NEMP2: variants seen among roughly 807,000 people sequenced by gnomAD.
NEMP2 encodes nuclear envelope integral membrane protein 2.
In NEMP2, 53 loss-of-function variants were observed where a neutral mutation model predicts 54.2. That is an observed-to-expected ratio of 0.98 (90% CI 0.78 to 1.23). The LOEUF (loss-of-function observed/expected upper bound fraction) is 1.23, where lower values mean the gene tolerates loss of function less well. NEMP2 is among the 50% of genes most tolerant of loss of function. The pLI is 0.00. For missense variants in NEMP2, 455 were observed against 511.3 expected (o/e 0.89, Z 1.06); for synonymous variants, 197 against 190.3 (o/e 1.04, Z -0.29).
chr2:190,518,880 A>C (rs1400215402), intron 3 of NEMP2, 72 bp from the exon 4 acceptor site: 8 of 1,516,180 alleles, frequency 5.3e-6, no homozygotes, highest in Non-Finnish European at 7.1e-6. Context: ...AAGAAGAAAA[A>C]AGTCAATTTA....
chr2:190,490,691 A>G, the NEMP2 span, among the ~76,000 whole-genome samples: 6 of 152,358 alleles, frequency 3.9e-5, no homozygotes, highest in African/African-American at 1.4e-4. This position sits in a 1 kb window ranked among gnomAD's most constrained non-coding sequence, Gnocchi z 4.5. Context: ...TATGTAGATG[A>G]GAATGAGCTG....
chr2:190,444,890 G>C, the NEMP2 span: 2 of 831,470 alleles, frequency 2.4e-6, no homozygotes, highest in East Asian at 2.5e-4. Flanking sequence ...ATAGTAAAAA[G>C]TGACGTTAAT....
upstream of NEMP2, chr2:190,534,779 G>A: frequency 1.5e-6 from 1 of 680,056 alleles, no homozygotes; most frequent in Non-Finnish European, 2.1e-6. Context: ...CGGGAAAGGC[G>A]GAGACCCCGC....
chr2:190,507,971 C>T lies in NEMP2; in HGVS notation c.*1218G>A, dbSNP rs1690234384. 6.6e-6 allele frequency: 1 copy of T among 152,156 alleles called. No homozygotes were observed. The highest frequency in any genetic ancestry group is 1.5e-5 in the Non-Finnish European group (1 of 68,038). 9.4% of individuals were successfully genotyped at this position (152,156 alleles called of 1,614,324 possible). ...AACCCTGAGATTGTCTTGCCATGTT[C>T]AAATCTTTCCTCAGATCTATGTTTT... On this transcript the variant is annotated 3_prime_UTR_variant, in exon 9 of 9. Transcript: ENST00000409150. The surrounding 1 kb of genome is among the most constrained non-coding windows in gnomAD (Gnocchi z 4.4).
Position 190,510,513 on chromosome 2 carries a change from T to C in NEMP2, c.978A>G (p.Ser326=). The C allele has an allele frequency of 1.0e-5, 16 of 1,551,982 alleles. No individual in the cohort carries two copies. Among genetic ancestry groups the C allele is most frequent in the Non-Finnish European group, 1.4e-5 (16 of 1,147,052 alleles). Residue 326 remains serine, a synonymous_variant, in exon 8 of 9, where the codon TCA becomes TCG. Transcript: ENST00000409150. The surrounding 1 kb of genome is among the most constrained non-coding windows in gnomAD (Gnocchi z 5.7). The part of the protein sequence containing the change: ...MRWKMEQWFT[S]KELVVKYLTE... ...TAAGATATTTCACCACCAGCTCTTTTGATGTAAACCACTGCTCCATTTTCC... is the reference window on the plus strand; with the variant it reads ...TAAGATATTTCACCACCAGCTCTTTCGATGTAAACCACTGCTCCATTTTCC...
At chr2:190,615,629 C>T in the NEMP2 span, among the ~76,000 whole-genome samples, 1 of 152,194 alleles carries the variant, frequency 6.6e-6, no homozygotes, top group South Asian at 2.1e-4. The surrounding 1 kb of genome is among the most constrained non-coding windows in gnomAD (Gnocchi z 4.7). Context: ...CAGCCCCTAT[C>T]CTCTCCCCTC....
chr2:190,509,453 T>TA lies in NEMP2; in HGVS notation c.1131-142dup. 1 of 907,508 alleles carries TA rather than the reference T, an allele frequency of 1.1e-6. No homozygotes were observed. Among genetic ancestry groups the TA allele is most frequent in the Non-Finnish European group, 1.7e-6 (1 of 597,906 alleles). The allele number at this position is 907,508 out of a possible 1,614,324, so 56.2% of individuals were successfully genotyped here. On this transcript the variant is annotated intron_variant, in intron 8 of 8. Coordinates refer to ENST00000409150, the MANE Select transcript of NEMP2 (RefSeq NM_001142645.2). This position sits in a 1 kb window ranked among gnomAD's most constrained non-coding sequence, Gnocchi z 6.1. ...CAGGGTGGCATTTACACAGTGGGTG[T>TA]AAAAATGGGAATGGCTTATGTGATC...
chr2:190,499,098 A>G, the NEMP2 span, among the ~76,000 whole-genome samples: 1 of 152,216 alleles, frequency 6.6e-6, no homozygotes, highest in African/African-American at 2.4e-5. The surrounding 1 kb of genome is among the most constrained non-coding windows in gnomAD (Gnocchi z 6.0). Context: ...CAGTGAGCCA[A>G]GGTCACGCCA....
At chr2:190,539,421 T>A (rs140847921), upstream of NEMP2, among the ~76,000 whole-genome samples, 122 of 152,348 alleles carry the variant, frequency 8.0e-4, no homozygotes, top group African/African-American at 2.9e-3. The surrounding 1 kb of genome is among the most constrained non-coding windows in gnomAD (Gnocchi z 4.1). Context: ...AGGATTGCTC[T>A]GGCTATTTTG....
chr2:190,485,553 G>C, the NEMP2 span, among the ~76,000 whole-genome samples: 1 of 151,980 alleles, frequency 6.6e-6, no homozygotes, highest in South Asian at 2.1e-4. This position sits in a 1 kb window ranked among gnomAD's most constrained non-coding sequence, Gnocchi z 5.1. Flanking sequence ...AAAAAAATCT[G>C]CATATGTGAA....
the NEMP2 span, among the ~76,000 whole-genome samples, chr2:190,622,779 T>G: frequency 1.3e-5 from 2 of 151,844 alleles, no homozygotes; most frequent in South Asian, 4.1e-4. Flanking sequence ...AGATCAAAAA[T>G]TAAAAAACAA....
the NEMP2 span, among the ~76,000 whole-genome samples, chr2:190,572,897 G>T: frequency 3.5e-4 from 36 of 102,264 alleles, no homozygotes; most frequent in Non-Finnish European, 6.2e-4. Context: ...TATCTTTTGG[G>T]AATAATTCCC....
the NEMP2 span, among the ~76,000 whole-genome samples, chr2:190,544,296 TAA>T: frequency 1.3e-4 from 20 of 152,300 alleles, no homozygotes; most frequent in South Asian, 8.3e-4. Flanking sequence ...GTAATTTTAA[TAA>T]GTCATGTCAA....
the NEMP2 span, among the ~76,000 whole-genome samples, chr2:190,630,887 G>A: frequency 6.6e-6 from 1 of 151,698 alleles, no homozygotes; most frequent in Non-Finnish European, 1.5e-5. The surrounding 1 kb of genome is among the most constrained non-coding windows in gnomAD (Gnocchi z 5.5). Flanking sequence ...TATTGGCCAG[G>A]TACAGTGGCT....
the NEMP2 span, among the ~76,000 whole-genome samples, chr2:190,562,119 GAAAATCC>G: frequency 2.0e-5 from 3 of 152,302 alleles, no homozygotes; most frequent in Middle Eastern, 3.4e-3. The surrounding 1 kb of genome is among the most constrained non-coding windows in gnomAD (Gnocchi z 5.0). Context: ...ACTGAAAAGA[GAAAATCC>G]AAATAGTTTT....
the NEMP2 span, chr2:190,477,143 A>G: frequency 4.4e-6 from 2 of 452,742 alleles, no homozygotes; most frequent in Non-Finnish European, 5.8e-6. Context: ...AATATGGCAC[A>G]TGTATACATA....
the NEMP2 span, among the ~76,000 whole-genome samples, chr2:190,458,436 C>A: frequency 1.6e-4 from 24 of 149,658 alleles, no homozygotes; most frequent in Admixed American, 1.6e-3. The surrounding 1 kb of genome is among the most constrained non-coding windows in gnomAD (Gnocchi z 5.3). Context: ...CCTGGAGAAA[C>A]CAACATTGCC....
the NEMP2 span, among the ~76,000 whole-genome samples, chr2:190,577,245 AT>A: frequency 6.6e-6 from 1 of 152,034 alleles, no homozygotes; most frequent in Non-Finnish European, 1.5e-5. The surrounding 1 kb of genome is among the most constrained non-coding windows in gnomAD (Gnocchi z 4.8). Flanking sequence ...GACTTACTCA[AT>A]TTTTTTTAAC....
chr2:190,590,898 A>C, the NEMP2 span, among the ~76,000 whole-genome samples: 23,409 of 152,076 alleles, frequency 0.15, 1,901 homozygotes, highest in East Asian at 0.28. This position sits in a 1 kb window ranked among gnomAD's most constrained non-coding sequence, Gnocchi z 5.1. Context: ...AAAATATCAG[A>C]TCTTCATAGT....
Sources: gnomAD v4.1 joint callset for allele counts (sites outside exome capture counted in the v4.1 genomes callset) on GRCh38, gnomAD v4.1.1 for gene constraint, Gnocchi (gnomAD v3.1) non-coding constraint, MANE v1.5 for transcripts, NCBI Gene and HGNC (gene_info 2026-07-23, HGNC 2026-07-21) for gene names.